The following SEL1L3 variants were observed in gnomAD, a reference collection of about 807,000 sequenced individuals.
SEL1L3 encodes protein sel-1 homolog 3.
SEL1L3 carries 76 observed loss-of-function variants against 142.8 expected under a neutral mutation model. That is an observed-to-expected ratio of 0.53 (90% CI 0.44 to 0.64). The LOEUF (loss-of-function observed/expected upper bound fraction) is 0.64, where lower values mean the gene tolerates loss of function less well. Among genes scored for constraint, SEL1L3 ranks in the 30% least tolerant of loss-of-function variants. The pLI is 0.00. For missense variants in SEL1L3, 1,262 were observed against 1,381.7 expected (o/e 0.91, Z 1.37); for synonymous variants, 504 against 519.6 (o/e 0.97, Z 0.41).
chr4:25,775,314 T>C (rs1473623572), intron 17 of SEL1L3, among the ~76,000 whole-genome samples: 2 of 152,238 alleles, frequency 1.3e-5, no homozygotes, highest in Non-Finnish European at 2.9e-5. Context: ...TCCTACACTT[T>C]CTAATTTAAG....
chr4:25,836,179 C>T lies in SEL1L3; in HGVS notation c.734-856G>A, dbSNP rs531333868. On this transcript the variant is annotated intron_variant, in intron 2 of 23. Coordinates refer to ENST00000399878, the MANE Select transcript of SEL1L3 (RefSeq NM_015187.5). ...TTCACAAACACGAAAGAATTCTTCTCTATAGCTCTAAAAAGCATAGGGATG... is the reference window on the plus strand; with the variant it reads ...TTCACAAACACGAAAGAATTCTTCTTTATAGCTCTAAAAAGCATAGGGATG... Among the ~76,000 whole-genome samples the T allele has an allele frequency of 1.7e-4, 26 of 152,264 alleles. No individual in the cohort carries two copies. The South Asian group carries it at 5.0e-3, about 29-fold the overall frequency.
At chr4:25,767,716 T>A (rs372178945) in intron 18 of SEL1L3, 24 bp downstream of exon 18, 3 of 1,525,730 alleles carry the variant, frequency 2.0e-6, no homozygotes, top group Non-Finnish European at 2.7e-6. Context: ...GAGCTTCTAC[T>A]CTGAGAAGAA....
At chr4:25,849,588 T>C (rs1483354045) in intron 1 of SEL1L3, among the ~76,000 whole-genome samples, 1 of 152,104 alleles carries the variant, frequency 6.6e-6, no homozygotes, top group Non-Finnish European at 1.5e-5. Flanking sequence ...GACGATGAAA[T>C]AGTGAGACAG....
Position 25,748,329 on chromosome 4 carries a change from T to G in SEL1L3, c.*96A>C. On this transcript the variant is annotated 3_prime_UTR_variant, in exon 24 of 24. Coordinates refer to ENST00000399878, the MANE Select transcript of SEL1L3 (RefSeq NM_015187.5). Reference sequence around the variant, plus strand: ...AATTTGCATCCAGTTGACAAGACATTTAAGGTGTTTATCAGGATCATGCCC... The same window carrying G: ...AATTTGCATCCAGTTGACAAGACATGTAAGGTGTTTATCAGGATCATGCCC... 2 of 1,282,122 alleles carry G rather than the reference T, an allele frequency of 1.6e-6. No homozygotes were observed. Among genetic ancestry groups the G allele is most frequent in the Non-Finnish European group, 2.1e-6 (2 of 939,134 alleles). The allele number at this position is 1,282,122 out of a possible 1,614,324, so 79.4% of individuals were successfully genotyped here.
chr4:25,715,768 T>G, the SEL1L3 span, among the ~76,000 whole-genome samples: 1 of 151,448 alleles, frequency 6.6e-6, no homozygotes, highest in East Asian at 1.9e-4. Flanking sequence ...AATATATTAC[T>G]GGTGTGGAAT....
Position 25,790,465 on chromosome 4 carries a change from G to T in SEL1L3, c.2066C>A (p.Ala689Glu). Residue 689 changes from alanine to glutamate, a missense_variant, in exon 12 of 24, where the codon GCA becomes GAA. Physicochemically the swap from Ala to Glu is moderately radical, Grantham distance 107. Around this residue, in one of 3 missense-constraint regions of SEL1L3, gnomAD observed 435 missense variants for 559.2 expected, o/e 0.78. Transcript: ENST00000399878. ...AGCCTGCGTTTTTACCTGAGCTGCT[G>T]CATTGCCTCGGGTAGCTTCATGCTT... is the stretch of plus-strand genomic sequence containing the variant. ...WLKHEATRGN[A>E]AAQQRLAQML... 6.2e-7 allele frequency: 1 copy of T among 1,613,782 alleles called. No homozygotes were observed. Among genetic ancestry groups the T allele is most frequent in the Non-Finnish European group, 8.5e-7 (1 of 1,179,788 alleles).
At position 25,760,313 on chromosome 4, in the gene SEL1L3, G is replaced by A. The variant is rs187951380; in HGVS notation, c.2956-1245C>T. Among the ~76,000 whole-genome samples the A allele has an allele frequency of 3.6e-3, 550 of 152,226 alleles. 4 individuals carry two copies. Among genetic ancestry groups the A allele is most frequent in the African/African-American group, 0.013 (521 of 41,524 alleles). On this transcript the variant is annotated intron_variant, in intron 20 of 23. Coordinates refer to ENST00000399878, the MANE Select transcript of SEL1L3 (RefSeq NM_015187.5). ...ATATGTACCATGTTTTCTTTAACCA[G>A]TCTACCATTGATGGGCATTTGGGTT...
At chr4:25,720,035 T>A in the SEL1L3 span, 1 of 152,218 alleles carries the variant, frequency 6.6e-6, no homozygotes, top group Non-Finnish European at 1.5e-5. Flanking sequence ...GGGCATTTGG[T>A]AAACACGGTC....
chr4:25,853,064 A>G (rs187752858), intron 1 of SEL1L3, among the ~76,000 whole-genome samples: 66 of 152,338 alleles, frequency 4.3e-4, no homozygotes, highest in African/African-American at 1.5e-3. Flanking sequence ...GTCCATGCTT[A>G]TAACATTGTG....
chr4:25,776,211 C>G, intron 17 of SEL1L3, 66 bp downstream of exon 17: 1 of 1,000,974 alleles, frequency 1.0e-6, no homozygotes, highest in Admixed American at 2.2e-5. Flanking sequence ...TTTTAAGACT[C>G]CATTTCATAA....
chr4:25,850,678 T>C (rs1716822897), intron 1 of SEL1L3, among the ~76,000 whole-genome samples: 1 of 152,188 alleles, frequency 6.6e-6, no homozygotes, highest in African/African-American at 2.4e-5. Flanking sequence ...TAGGGAAGCC[T>C]AAACTCATCA....
chr4:25,776,921 A>G (rs1719674479), intron 16 of SEL1L3, among the ~76,000 whole-genome samples: 1 of 152,108 alleles, frequency 6.6e-6, no homozygotes, highest in African/African-American at 2.4e-5. Context: ...CAGATGTGAC[A>G]AATAGAAAAT....
chr4:25,854,796 AAGTC>A (rs779734761), intron 1 of SEL1L3, among the ~76,000 whole-genome samples: 73 of 152,336 alleles, frequency 4.8e-4, no homozygotes, highest in Middle Eastern at 6.8e-3. Context: ...GAAAAGATCT[AAGTC>A]AGAGGATAAC....
At chr4:25,820,843 C>T (rs1005098527) in intron 7 of SEL1L3, among the ~76,000 whole-genome samples, 1 of 152,118 alleles carries the variant, frequency 6.6e-6, no homozygotes, top group African/African-American at 2.4e-5. Context: ...TGCAGTCGCA[C>T]AATCTTGGCT....
At chr4:25,714,080 T>C in the SEL1L3 span, among the ~76,000 whole-genome samples, 2 of 152,178 alleles carry the variant, frequency 1.3e-5, no homozygotes, top group African/African-American at 4.8e-5. Context: ...CAAAGTTGTC[T>C]TAAGTACTTT....
At chr4:25,726,527 CAAAA>C in the SEL1L3 span, among the ~76,000 whole-genome samples, 3 of 123,070 alleles carry the variant, frequency 2.4e-5, no homozygotes, top group South Asian at 2.7e-4. Flanking sequence ...GACTTGGTCT[CAAAA>C]AAAAAAAAAA....
rs764142744 is a variant in SEL1L3, at chr4:25,784,279, T to A, written c.2229A>T (p.Val743=). 6.2e-7 allele frequency: 1 copy of A among 1,613,684 alleles called. No homozygotes were observed. The highest frequency in any genetic ancestry group is 8.5e-7 in the Non-Finnish European group (1 of 1,179,602). The part of the protein sequence containing the change: ...YAIVLFKGQG[V]KKNRRLALEL... ...CTAAGGCAAGCCGTCTGTTCTTTTT[T>A]ACTCCTTGACCCTAAACATTGATAA... Residue 743 remains valine (V), a synonymous_variant, in exon 14 of 24, where the codon GTA becomes GTT. Transcript: ENST00000399878.
chr4:25,842,290 A>G (rs1332582544), intron 2 of SEL1L3, among the ~76,000 whole-genome samples: 1 of 150,304 alleles, frequency 6.7e-6, no homozygotes, highest in Non-Finnish European at 1.5e-5. Flanking sequence ...GGGCTAGAAA[A>G]GTGTTAGAAA....
At chr4:25,742,722 T>C (rs1416406214), downstream of SEL1L3, among the ~76,000 whole-genome samples, 4 of 152,386 alleles carry the variant, frequency 2.6e-5, no homozygotes, top group East Asian at 3.9e-4. Context: ...TATTACTTAG[T>C]ATTTAATTTT....
Sources: gnomAD v4.1 joint callset for allele counts (sites outside exome capture counted in the v4.1 genomes callset) on GRCh38, gnomAD v4.1.1 for gene constraint, gnomAD v4.1.1 regional missense constraint, MANE v1.5 for transcripts, NCBI Gene and HGNC (gene_info 2026-07-23, HGNC 2026-07-21) for gene names.